Variants in SKAP2 observed in about 807,000 individuals in gnomAD.
SKAP2 encodes src kinase associated phosphoprotein 2, also known as src kinase-associated phosphoprotein 2.
In SKAP2, 28 loss-of-function variants were observed where a neutral mutation model predicts 54.9. The observed-to-expected ratio is 0.51, with a 90% CI of 0.38 to 0.70. The LOEUF is 0.70. SKAP2 is among the 30% of genes least tolerant of loss of function. The probability of loss-of-function intolerance (pLI) is 0.00; values close to 1 mark genes in which losing one functional copy is unlikely to be tolerated. For synonymous variants in SKAP2, 137 were observed against 134.3 expected (o/e 1.02, Z -0.14); for missense variants, 356 against 424.1 (o/e 0.84, Z 1.41).
At chr7:26,843,130 G>T (rs1219696841) in intron 4 of SKAP2, among the ~76,000 whole-genome samples, 12 of 151,954 alleles carry the variant, frequency 7.9e-5, no homozygotes, top group Non-Finnish European at 1.5e-4. Flanking sequence ...GGAATAATCT[G>T]GATAACATAA....
At chr7:26,753,988 G>A (rs778221569) in intron 4 of SKAP2, among the ~76,000 whole-genome samples, 5 of 152,020 alleles carry the variant, frequency 3.3e-5, no homozygotes, top group Admixed American at 6.6e-5. Context: ...CCAACATGAA[G>A]AAACATAATA....
chr7:26,803,843 T>C (rs10215738), intron 4 of SKAP2, among the ~76,000 whole-genome samples: 32,328 of 152,016 alleles, frequency 0.21, 3,494 homozygotes, highest in Non-Finnish European at 0.24. Context: ...TGGAAATCAT[T>C]ATGTTAAGTG....
At chr7:26,758,896 C>G (rs1782862238) in intron 4 of SKAP2, among the ~76,000 whole-genome samples, 1 of 152,170 alleles carries the variant, frequency 6.6e-6, no homozygotes, top group Non-Finnish European at 1.5e-5. Context: ...AATTCCTGAT[C>G]TGGGAAAAAT....
rs1554296612 is a variant in SKAP2, at chr7:26,726,945, T to C, written c.531A>G (p.Leu177=). The change falls in exon 7 of 13, where the codon CTA becomes CTG. Residue 177 remains leucine, a synonymous_variant. Coordinates refer to ENST00000345317, the MANE Select transcript of SKAP2 (RefSeq NM_003930.5). ...AGCAATCTTTCTTTCCATCCTTTCT[T>C]AGAGTGTTATTCATTCTGACACTGT... ...DGYSVRMNNT[L]RKDGKKDCCF... is the part of the protein sequence containing the mutation. The C allele has an allele frequency of 1.9e-5, 31 of 1,610,356 alleles. No homozygotes were observed. The highest frequency in any genetic ancestry group is 2.5e-5 in the Non-Finnish European group (30 of 1,177,740).
intron 4 of SKAP2, among the ~76,000 whole-genome samples, chr7:26,808,443 G>C (rs181276626): frequency 6.6e-6 from 1 of 152,142 alleles, no homozygotes; most frequent in African/African-American, 2.4e-5. Flanking sequence ...ATAGAATAGA[G>C]GTTGTGGGAG....
intron 10 of SKAP2, among the ~76,000 whole-genome samples, chr7:26,690,036 T>A (rs575155185): frequency 6.6e-6 from 1 of 152,342 alleles, no homozygotes; most frequent in South Asian, 2.1e-4. Context: ...AAATGAAAGC[T>A]AATTGAGTCA....
intron 3 of SKAP2, among the ~76,000 whole-genome samples, chr7:26,849,722 T>A (rs1785000655): frequency 1.3e-5 from 2 of 151,950 alleles, no homozygotes; most frequent in Non-Finnish European, 2.9e-5. Flanking sequence ...CACTAACATT[T>A]TACAAATTTG....
At chr7:26,769,459 A>G (rs1200936474) in intron 4 of SKAP2, among the ~76,000 whole-genome samples, 2 of 152,160 alleles carry the variant, frequency 1.3e-5, no homozygotes, top group African/African-American at 4.8e-5. Context: ...ATTTCTGTCA[A>G]TTCATCAAAC....
chr7:26,730,636 C>A (rs754498942), intron 6 of SKAP2, among the ~76,000 whole-genome samples: 2 of 152,148 alleles, frequency 1.3e-5, no homozygotes, highest in Non-Finnish European at 2.9e-5. Context: ...TTTAACCTAA[C>A]CTCTATCATG....
intron 3 of SKAP2, 22 bp from the exon 4 acceptor site, chr7:26,844,159 A>G: frequency 7.7e-7 from 1 of 1,298,234 alleles, no homozygotes; most frequent in East Asian, 2.3e-5. Context: ...AAAAAAAATC[A>G]GAGAACTGCC....
chr7:26,765,842 A>G (rs1227912587), intron 4 of SKAP2, among the ~76,000 whole-genome samples: 1 of 152,148 alleles, frequency 6.6e-6, no homozygotes, highest in East Asian at 1.9e-4. Context: ...CTGTTTTGGT[A>G]CCAGTACCAT....
intron 9 of SKAP2, among the ~76,000 whole-genome samples, chr7:26,711,162 T>C (rs558753112): frequency 1.2e-4 from 18 of 152,328 alleles, no homozygotes; most frequent in African/African-American, 3.6e-4. Context: ...GGTATTTTCA[T>C]TGTTTCTGAA....
At chr7:26,837,984 G>A (rs956331872) in intron 4 of SKAP2, among the ~76,000 whole-genome samples, 2 of 152,104 alleles carry the variant, frequency 1.3e-5, no homozygotes, top group African/African-American at 4.8e-5. Context: ...ATGCCATTGG[G>A]CATATCACTT....
At chr7:26,773,984 TA>T (rs1467844827) in intron 4 of SKAP2, among the ~76,000 whole-genome samples, 4 of 152,178 alleles carry the variant, frequency 2.6e-5, no homozygotes, top group Non-Finnish European at 5.9e-5. Flanking sequence ...CTCTTTCTCC[TA>T]CACTCCAACT....
chr7:26,803,379 C>G (rs1451696839), intron 4 of SKAP2, among the ~76,000 whole-genome samples: 3 of 152,174 alleles, frequency 2.0e-5, no homozygotes, highest in Non-Finnish European at 4.4e-5. Flanking sequence ...CTCAACATCA[C>G]TGATCATCAG....
At chr7:26,715,552 G>A (rs986317863) in intron 9 of SKAP2, among the ~76,000 whole-genome samples, 1 of 152,044 alleles carries the variant, frequency 6.6e-6, no homozygotes, top group African/African-American at 2.4e-5. Context: ...CGAGGCGGGT[G>A]GATCACCTGA....
intron 4 of SKAP2, among the ~76,000 whole-genome samples, chr7:26,797,691 G>T (rs1783812604): frequency 6.6e-6 from 1 of 151,872 alleles, no homozygotes; most frequent in Non-Finnish European, 1.5e-5. Context: ...AAGGTGCCAG[G>T]GACCAATCCT....
chr7:26,683,150 T>C (rs933604320), intron 11 of SKAP2, among the ~76,000 whole-genome samples: 2 of 152,200 alleles, frequency 1.3e-5, no homozygotes, highest in African/African-American at 4.8e-5. Context: ...TGCAGCTAAA[T>C]TGGTTTTAAA....
At chr7:26,749,273 G>T (rs148270129) in intron 4 of SKAP2, among the ~76,000 whole-genome samples, 8 of 152,186 alleles carry the variant, frequency 5.3e-5, no homozygotes, top group Non-Finnish European at 1.0e-4. Context: ...TAGCATAAAT[G>T]AAAAGGAACG....
Sources: allele counts gnomAD v4.1 joint callset (sites outside exome capture counted in the v4.1 genomes callset), GRCh38; gene constraint gnomAD v4.1.1; transcripts MANE v1.5; gene names NCBI Gene and HGNC (gene_info 2026-07-23, HGNC 2026-07-21).